The following SHISAL2B variants were observed in gnomAD, a reference collection of about 807,000 sequenced individuals.
SHISAL2B encodes the protein shisa like 2B.
Under a neutral mutation model 16.5 loss-of-function variants are expected in SHISAL2B, and 12 were observed. The observed-to-expected ratio is 0.73, with a 90% CI of 0.47 to 1.18. SHISAL2B has a LOEUF of 1.18. Ranked by LOEUF, SHISAL2B falls within the 50% of genes most tolerant of loss-of-function variation. SHISAL2B has a pLI of 0.00. For synonymous variants in SHISAL2B, 72 were observed against 75.0 expected, an observed-to-expected ratio of 0.96 and a Z score of 0.21; for missense variants, 183 against 193.6, an observed-to-expected ratio of 0.95 and a Z score of 0.33.
intron 2 of SHISAL2B, among the ~76,000 whole-genome samples, chr5:64,711,158 G>A (rs1301899330): frequency 8.9e-6 from 1 of 112,964 alleles, no homozygotes; most frequent in Non-Finnish European, 1.7e-5. Flanking sequence ...CATTCAGTAT[G>A]ATATTGGCTG....
intron 2 of SHISAL2B, among the ~76,000 whole-genome samples, chr5:64,716,330 T>C (rs1742050661): frequency 1.3e-5 from 2 of 152,226 alleles, no homozygotes. Context: ...TTCTGTCTTA[T>C]CCTTTATTAA....
At chr5:64,704,853 A>G (rs552162663) in intron 2 of SHISAL2B, among the ~76,000 whole-genome samples, 191 of 152,262 alleles carry the variant, frequency 1.3e-3, no homozygotes, top group Non-Finnish European at 2.3e-3. Flanking sequence ...GCTGGACTGT[A>G]TTATCACTAT....
At chr5:64,707,322 T>C (rs2112067456) in intron 2 of SHISAL2B, among the ~76,000 whole-genome samples, 1 of 152,274 alleles carries the variant, frequency 6.6e-6, no homozygotes, top group East Asian at 1.9e-4. Flanking sequence ...GTTGTGTAAT[T>C]TCCTCTCCTC....
chr5:64,709,536 C>T (rs1741924804), intron 2 of SHISAL2B, among the ~76,000 whole-genome samples: 2 of 151,036 alleles, frequency 1.3e-5, no homozygotes, highest in Admixed American at 1.3e-4. Flanking sequence ...GATTTATAGT[C>T]ATTTGGGTAT....
intron 2 of SHISAL2B, among the ~76,000 whole-genome samples, chr5:64,708,430 C>T (rs1235348850): frequency 1.3e-5 from 2 of 152,032 alleles, no homozygotes; most frequent in African/African-American, 2.4e-5. Flanking sequence ...AAAGGGATAA[C>T]ATAAAGATTT....
At chr5:64,690,937 C>G in intron 1 of SHISAL2B, 123 bp downstream of exon 1, 1 of 822,118 alleles carries the variant, frequency 1.2e-6, no homozygotes, top group Non-Finnish European at 1.7e-6. Flanking sequence ...AGGTTAGGTC[C>G]CTACGGAAGG....
intron 2 of SHISAL2B, among the ~76,000 whole-genome samples, chr5:64,715,545 T>A (rs1196067043): frequency 6.6e-6 from 1 of 152,124 alleles, no homozygotes; most frequent in Non-Finnish European, 1.5e-5. Context: ...AAACAGGACT[T>A]GTGGGTCTCT....
chr5:64,697,863 C>G (rs1741760690), intron 2 of SHISAL2B, among the ~76,000 whole-genome samples: 1 of 152,218 alleles, frequency 6.6e-6, no homozygotes, highest in African/African-American at 2.4e-5. Context: ...GTGACCTTAT[C>G]AAATACATCA....
At chr5:64,696,830 G>A (rs189340194) in intron 2 of SHISAL2B, among the ~76,000 whole-genome samples, 58 of 152,222 alleles carry the variant, frequency 3.8e-4, no homozygotes, top group Admixed American at 2.4e-3. Context: ...TTTTGATTTC[G>A]CCCTTTGCCT....
chr5:64,690,753 T>G lies in SHISAL2B; in HGVS notation c.130T>G (p.Tyr44Asp). 6.5e-7 allele frequency: 1 copy of G among 1,543,374 alleles called. No homozygotes were observed. Among genetic ancestry groups the G allele is most frequent in the South Asian group, 1.2e-5 (1 of 84,394 alleles). The change falls in exon 1 of 3, where the codon TAC (tyrosine) becomes GAC (aspartate). Residue 44 changes from tyrosine to aspartate, a missense_variant. Physicochemically the swap from Tyr to Asp is radical, Grantham distance 160. Transcript: ENST00000389074. ...TTGCTGCGGCTTCGCCGACCTCAAGTACTGCTGCAGCGAGCCGGGCAGCTA... is the reference window on the plus strand; with the variant it reads ...TTGCTGCGGCTTCGCCGACCTCAAGGACTGCTGCAGCGAGCCGGGCAGCTA... Reference protein sequence around the residue: ...QYCCGFADLKYCCSEPGSYFP... With the variant: ...QYCCGFADLKDCCSEPGSYFP...
At chr5:64,694,862 G>A (rs886567513) in intron 1 of SHISAL2B, among the ~76,000 whole-genome samples, 5 of 152,124 alleles carry the variant, frequency 3.3e-5, no homozygotes, top group African/African-American at 4.8e-5. Context: ...TCCTTCTAAA[G>A]TATATTAATA....
chr5:64,690,646 G>A lies in SHISAL2B; in HGVS notation c.23G>A (p.Cys8Tyr), dbSNP rs1425063783. The A allele has an allele frequency of 4.0e-6, 6 of 1,516,626 alleles. No individual in the cohort carries two copies. Among genetic ancestry groups the A allele is most frequent in the South Asian group, 1.2e-5 (1 of 82,108 alleles). The allele number at this position is 1,516,626 out of a possible 1,614,324, so 93.9% of individuals were successfully genotyped here. ...GCGATGAGCGAGGCCAGCCGACTGT[G>A]CTCCGGCTACTACAGCCTCAACCAG... is the stretch of plus-strand genomic sequence containing the variant. MSEASRLCSGYYSLNQSF... is the reference protein window; with the variant it reads MSEASRLYSGYYSLNQSF... The change falls in exon 1 of 3, where the codon TGC becomes TAC. Residue 8 changes from cysteine to tyrosine, a missense_variant. Coordinates refer to ENST00000389074, the MANE Select transcript of SHISAL2B (RefSeq NM_001164442.2).
intron 1 of SHISAL2B, chr5:64,691,182 G>T: frequency 8.4e-6 from 2 of 238,880 alleles, no homozygotes; most frequent in Non-Finnish European, 8.0e-6. Flanking sequence ...TACTGGTGGA[G>T]CGCGAGGACA....
At chr5:64,714,102 G>T (rs1452838876) in intron 2 of SHISAL2B, among the ~76,000 whole-genome samples, 2 of 151,112 alleles carry the variant, frequency 1.3e-5, no homozygotes, top group Non-Finnish European at 2.9e-5. Flanking sequence ...TTCCTTTGGA[G>T]GAGGAGAGGT....
Position 64,690,515 on chromosome 5 carries a change from G to A in SHISAL2B, c.-109G>A. 1.2e-6 allele frequency: 1 copy of A among 869,082 alleles called. No homozygotes were observed. The highest frequency in any genetic ancestry group is 1.6e-6 in the Non-Finnish European group (1 of 628,082). 53.8% of individuals were successfully genotyped at this position (869,082 alleles called of 1,614,324 possible). A position where few individuals can be genotyped will look rare whatever the true frequency, so the allele number is the denominator to read the frequency against. On this transcript the variant is annotated 5_prime_UTR_variant, in exon 1 of 3. Transcript: ENST00000389074. The stretch of plus-strand genomic sequence containing the variant: ...CGCCCAGGCAGCCAGAGCCCAGATC[G>A]GAAGAGCCGAGTCCGGGCAGAGGGG...
At chr5:64,698,851 G>T (rs1231082215) in intron 2 of SHISAL2B, among the ~76,000 whole-genome samples, 2 of 152,180 alleles carry the variant, frequency 1.3e-5, no homozygotes, top group African/African-American at 2.4e-5. Flanking sequence ...GCATGTGTGT[G>T]ATCAAAGGAG....
intron 2 of SHISAL2B, among the ~76,000 whole-genome samples, chr5:64,708,088 A>T (rs1248976308): frequency 6.6e-6 from 1 of 152,204 alleles, no homozygotes; most frequent in Non-Finnish European, 1.5e-5. Flanking sequence ...ACAGTTTTAC[A>T]TAATAATTAT....
chr5:64,690,765 G>T lies in SHISAL2B; in HGVS notation c.142G>T (p.Glu48Ter), dbSNP rs771008557. ...CGCCGACCTCAAGTACTGCTGCAGC[G>T]AGCCGGGCAGCTACTTCCCCTACAA... ...GFADLKYCCS[E>*]PGSYFPYKHS... is the part of the protein sequence containing the mutation. The change falls in exon 1 of 3, where the codon GAG (glutamate) becomes TAG (stop). Residue 48 changes from glutamate to a stop codon, truncating the protein, a stop_gained. Transcript: ENST00000389074. LOFTEE classifies it high-confidence loss of function. 8.4e-6 allele frequency: 13 copies of T among 1,543,836 alleles called. No individual in the cohort carries two copies. The highest frequency in any genetic ancestry group is 2.4e-5 in the East Asian group (1 of 40,914).
chr5:64,716,413 A>G (rs187137969), intron 2 of SHISAL2B, among the ~76,000 whole-genome samples: 3 of 152,344 alleles, frequency 2.0e-5, no homozygotes, highest in Admixed American at 6.5e-5. Flanking sequence ...TGAACAAAAT[A>G]GTCAAAAGTT....
Sources: allele counts gnomAD v4.1 joint callset (sites outside exome capture counted in the v4.1 genomes callset), GRCh38; gene constraint gnomAD v4.1.1; transcripts MANE v1.5; gene names NCBI Gene and HGNC (gene_info 2026-07-23, HGNC 2026-07-21).